Variants in GALNTL6 observed in about 807,000 individuals in gnomAD.
GALNTL6 encodes the protein polypeptide N-acetylgalactosaminyltransferase-like 6.
In GALNTL6, 46 loss-of-function variants were observed where a neutral mutation model predicts 73.7. The ratio of observed to expected loss-of-function variants is 0.62; its 90% CI spans 0.49 to 0.80. GALNTL6 has a LOEUF of 0.80. Among genes scored for constraint, GALNTL6 ranks in the 30% least tolerant of loss-of-function variants. The pLI is 0.00. For synonymous variants in GALNTL6, 259 were observed against 263.7 expected (o/e 0.98, Z 0.17); for missense variants, 604 against 755.0 (o/e 0.80, Z 2.34).
intron 5 of GALNTL6, among the ~76,000 whole-genome samples, chr4:172,761,163 A>T (rs1738061419): frequency 6.6e-6 from 1 of 152,144 alleles, no homozygotes; most frequent in African/African-American, 2.4e-5. Context: ...CTTGCCTTTC[A>T]GGAAAAAAAA....
intron 3 of GALNTL6, among the ~76,000 whole-genome samples, chr4:172,237,366 C>T (rs1016049631): frequency 2.0e-5 from 3 of 152,030 alleles, no homozygotes; most frequent in Non-Finnish European, 2.9e-5. Context: ...TGATGTTGAA[C>T]ATTTTTTTCA....
chr4:172,424,272 C>T (rs1731152340), intron 5 of GALNTL6, among the ~76,000 whole-genome samples: 1 of 151,736 alleles, frequency 6.6e-6, no homozygotes. Flanking sequence ...GATAACTTTG[C>T]AATTATTTTG....
At chr4:172,197,275 C>T (rs1481126048) in intron 2 of GALNTL6, among the ~76,000 whole-genome samples, 1 of 152,032 alleles carries the variant, frequency 6.6e-6, no homozygotes, top group East Asian at 1.9e-4. Flanking sequence ...AACGACTGCT[C>T]AAAGAAATCA....
At chr4:172,589,333 T>C (rs796941258) in intron 5 of GALNTL6, among the ~76,000 whole-genome samples, 2 of 152,346 alleles carry the variant, frequency 1.3e-5, no homozygotes, top group African/African-American at 4.8e-5. Flanking sequence ...TTACCAACAC[T>C]TAAAAACTGA....
intron 2 of GALNTL6, among the ~76,000 whole-genome samples, chr4:171,918,138 C>A (rs1204779615): frequency 6.6e-6 from 1 of 152,080 alleles, no homozygotes; most frequent in African/African-American, 2.4e-5. Context: ...TAGAACAATT[C>A]TCAGACAATA....
At chr4:172,524,293 G>A (rs761529152) in intron 5 of GALNTL6, among the ~76,000 whole-genome samples, 50 of 151,636 alleles carry the variant, frequency 3.3e-4, no homozygotes, top group Admixed American at 7.2e-4. Flanking sequence ...CTGTCGCCCA[G>A]GCTGGAGTGC....
intron 5 of GALNTL6, among the ~76,000 whole-genome samples, chr4:172,589,109 A>G (rs1002705048): frequency 3.7e-4 from 57 of 152,274 alleles, no homozygotes; most frequent in African/African-American, 1.3e-3. Flanking sequence ...TGTATGGAAC[A>G]TCAGTTCCAT....
intron 2 of GALNTL6, among the ~76,000 whole-genome samples, chr4:172,150,007 T>A (rs185594471): frequency 6.6e-6 from 1 of 152,326 alleles, no homozygotes; most frequent in African/African-American, 2.4e-5. Flanking sequence ...TAATTTCTTA[T>A]GCCAGAGTCT....
At chr4:172,191,986 A>AT (rs1051718376) in intron 2 of GALNTL6, among the ~76,000 whole-genome samples, 1 of 152,038 alleles carries the variant, frequency 6.6e-6, no homozygotes, top group Non-Finnish European at 1.5e-5. Flanking sequence ...CCTATTTCTG[A>AT]TTTTTAAAAA....
intron 5 of GALNTL6, among the ~76,000 whole-genome samples, chr4:172,564,832 A>G (rs1736499556): frequency 6.6e-6 from 1 of 152,248 alleles, no homozygotes; most frequent in Non-Finnish European, 1.5e-5. Context: ...AGATGAAACA[A>G]CGAGTTTCAA....
intron 5 of GALNTL6, among the ~76,000 whole-genome samples, chr4:172,389,153 T>A (rs1743576692): frequency 6.6e-6 from 1 of 152,084 alleles, no homozygotes; most frequent in Non-Finnish European, 1.5e-5. Flanking sequence ...GAATAAGACA[T>A]CTCTACCTAC....
intron 2 of GALNTL6, among the ~76,000 whole-genome samples, chr4:172,112,635 C>A (rs1277837162): frequency 1.3e-5 from 2 of 151,862 alleles, no homozygotes; most frequent in African/African-American, 4.8e-5. Flanking sequence ...ATTTGTATTT[C>A]CCTAATGACA....
rs765904258 is a variant in GALNTL6, at chr4:172,528,952, C to CATATATATATAT, written c.553+180264_553+180275dup. Among the ~76,000 whole-genome samples, 158 of 23,332 alleles carry CATATATATATAT rather than the reference C, an allele frequency of 6.8e-3. 25 individuals are homozygous for CATATATATATAT. In the South Asian group the frequency reaches 0.12, roughly 17 times the overall value. 15.3% of individuals were successfully genotyped at this position (23,332 alleles called of 152,430 possible). On this transcript the variant is annotated intron_variant, in intron 5 of 12. Coordinates refer to ENST00000506823, the MANE Select transcript of GALNTL6 (RefSeq NM_001034845.3). ...TTCAGAGACTTTGTTTTCCCAAAGG[C>CATATATATATAT]ATATATATATATGTGTGTGTATATT...
chr4:172,156,547 A>ATGTATATATATATAC (rs6148787), intron 2 of GALNTL6, among the ~76,000 whole-genome samples: 5 of 113,774 alleles, frequency 4.4e-5, no homozygotes, highest in South Asian at 2.7e-4. Flanking sequence ...TATAATATAT[A>ATGTATATATATATAC]TATATATATA....
chr4:172,456,047 T>A (rs1732387289), intron 5 of GALNTL6, among the ~76,000 whole-genome samples: 1 of 152,088 alleles, frequency 6.6e-6, no homozygotes, highest in South Asian at 2.1e-4. Context: ...CTGGTGATAC[T>A]CAGGTAAACA....
intron 3 of GALNTL6, among the ~76,000 whole-genome samples, chr4:172,230,847 T>A (rs1737038570): frequency 1.6e-5 from 2 of 125,954 alleles, no homozygotes; most frequent in African/African-American, 6.0e-5. Flanking sequence ...AGCAGCAGAA[T>A]TATAACTTAG....
At chr4:172,388,693 G>A (rs530328809) in intron 5 of GALNTL6, among the ~76,000 whole-genome samples, 2 of 152,076 alleles carry the variant, frequency 1.3e-5, no homozygotes, top group African/African-American at 4.8e-5. Flanking sequence ...ATATTCATCT[G>A]TTAAAAAAGA....
At chr4:172,585,687 T>A (rs2110984705) in intron 5 of GALNTL6, among the ~76,000 whole-genome samples, 1 of 152,312 alleles carries the variant, frequency 6.6e-6, no homozygotes, top group East Asian at 1.9e-4. Context: ...TCCAAGTCTT[T>A]GCTATTGTAA....
chr4:172,647,953 C>G (rs1740311804), intron 5 of GALNTL6, among the ~76,000 whole-genome samples: 1 of 152,114 alleles, frequency 6.6e-6, no homozygotes, highest in Admixed American at 6.6e-5. Context: ...TATTCAATAT[C>G]TGAAACAAAC....
Sources: allele counts gnomAD v4.1 joint callset (sites outside exome capture counted in the v4.1 genomes callset), GRCh38; gene constraint gnomAD v4.1.1; transcripts MANE v1.5; gene names NCBI Gene and HGNC (gene_info 2026-07-23, HGNC 2026-07-21).